Variants in PTCD2 observed in about 807,000 individuals in gnomAD.
PTCD2 encodes the protein pentatricopeptide repeat-containing protein 2, mitochondrial.
A neutral mutation model predicts 42.6 loss-of-function variants in PTCD2; 31 were observed. The observed-to-expected ratio is 0.73, with a 90% CI of 0.55 to 0.98. PTCD2 has a LOEUF of 0.98. Ranked by LOEUF, PTCD2 falls within the 50% of genes least tolerant of loss-of-function variation. PTCD2 has a pLI of 0.00. For missense variants in PTCD2, 476 were observed against 454.8 expected, an observed-to-expected ratio of 1.05 and a Z score of -0.42; for synonymous variants, 183 against 170.9, an observed-to-expected ratio of 1.07 and a Z score of -0.55.
chr5:72,368,060 A>AT lies in PTCD2; in HGVS notation c.*9637dup, dbSNP rs1753241394. The AT allele has an allele frequency of 6.6e-6, 1 of 152,100 alleles. No homozygotes were observed. The highest frequency in any genetic ancestry group is 2.1e-4 in the South Asian group (1 of 4,824). 9.4% of individuals were successfully genotyped at this position (152,100 alleles called of 1,614,324 possible). On this transcript the variant is annotated 3_prime_UTR_variant, in exon 10 of 10. Transcript: ENST00000380639. ...TTTTTCATATGGACTATTTGGGTCT[A>AT]TTTTCAAAAATCCCTTTTTCTTCTC...
Position 72,364,149 on chromosome 5 carries a change from G to C in PTCD2, c.*5722G>C, listed in dbSNP as rs2112258078. ...AATTACATTGGCTTAAATGGCATTA[G>C]CTCAAAAAAGTGTTCTCAAAAATTA... On this transcript the variant is annotated 3_prime_UTR_variant, in exon 10 of 10. Transcript: ENST00000380639. 6.6e-6 allele frequency: 1 copy of C among 152,342 alleles called. No homozygotes were observed. The highest frequency in any genetic ancestry group is 6.5e-5 in the Admixed American group (1 of 15,308). The allele number at this position is 152,342 out of a possible 1,614,324, so 9.4% of individuals were successfully genotyped here. A position where few individuals can be genotyped will look rare whatever the true frequency, so the allele number is the denominator to read the frequency against.
At chr5:72,320,585 T>G in intron 1 of PTCD2, 76 bp downstream of exon 1, 3 of 1,590,652 alleles carry the variant, frequency 1.9e-6, no homozygotes, top group African/African-American at 1.3e-5. Flanking sequence ...CTAGCATCTC[T>G]GTGGAGCAGC....
intron 6 of PTCD2, among the ~76,000 whole-genome samples, chr5:72,336,584 C>T (rs1751752866): frequency 6.6e-6 from 1 of 151,964 alleles, no homozygotes; most frequent in Admixed American, 6.6e-5. Flanking sequence ...GTGGCATGCA[C>T]CTTGTAATCC....
At chr5:72,328,298 T>C (rs140555313) in intron 3 of PTCD2, among the ~76,000 whole-genome samples, 1 of 152,358 alleles carries the variant, frequency 6.6e-6, no homozygotes, top group Non-Finnish European at 1.5e-5. Flanking sequence ...AAGTCCTCTC[T>C]TGAGTTTGTG....
intron 2 of PTCD2, among the ~76,000 whole-genome samples, chr5:72,325,971 T>A (rs1194577207): frequency 6.6e-6 from 1 of 152,252 alleles, no homozygotes; most frequent in Non-Finnish European, 1.5e-5. Flanking sequence ...GAAATGATTC[T>A]GTCACTGAAA....
chr5:72,348,323 T>C (rs1027113739), intron 8 of PTCD2, among the ~76,000 whole-genome samples: 2 of 152,246 alleles, frequency 1.3e-5, no homozygotes, highest in Non-Finnish European at 2.9e-5. Flanking sequence ...AGTGTCTGTT[T>C]AGTCAGTATT....
Position 72,320,434 on chromosome 5 carries a change from C to T in PTCD2, c.52C>T (p.Leu18=), listed in dbSNP as rs1254014512. 6.2e-7 allele frequency: 1 copy of T among 1,614,180 alleles called. No individual in the cohort carries two copies. The highest frequency in any genetic ancestry group is 8.5e-7 in the Non-Finnish European group (1 of 1,180,036). The part of the protein sequence containing the change: ...AAFRPSNRVL[L]QALQILVYPG... The stretch of plus-strand genomic sequence containing the variant: ...ATTTCGGCCCTCGAATCGAGTTCTC[C>T]TGCAGGCGCTGCAGATTTTGGTGTA... The change falls in exon 1 of 10, where the codon CTG becomes TTG. Residue 18 remains leucine, a synonymous_variant. Transcript: ENST00000380639.
chr5:72,321,969 T>C (rs1459673522), intron 1 of PTCD2, among the ~76,000 whole-genome samples: 4 of 152,188 alleles, frequency 2.6e-5, no homozygotes, highest in African/African-American at 9.7e-5. Context: ...ATAAAACCTG[T>C]TTTGCTGAGG....
chr5:72,333,736 TA>T (rs1429573830), intron 4 of PTCD2, among the ~76,000 whole-genome samples: 1 of 152,224 alleles, frequency 6.6e-6, no homozygotes. Flanking sequence ...CAAAATTGCC[TA>T]AAGAATAGGT....
At chr5:72,323,949 C>T (rs907118019) in intron 2 of PTCD2, among the ~76,000 whole-genome samples, 3 of 152,124 alleles carry the variant, frequency 2.0e-5, no homozygotes, top group Admixed American at 6.6e-5. Context: ...ATACTTTCTG[C>T]CTCCATTCCC....
intron 8 of PTCD2, among the ~76,000 whole-genome samples, chr5:72,346,704 A>T (rs531698491): frequency 6.6e-6 from 1 of 152,182 alleles, no homozygotes. Context: ...TCTGCTTCCT[A>T]CTGGATATGG....
At position 72,358,610 on chromosome 5, in the gene PTCD2, A is replaced by C. The variant is rs1753004560; in HGVS notation, c.*183A>C. On this transcript the variant is annotated 3_prime_UTR_variant, in exon 10 of 10. Coordinates refer to ENST00000380639, the MANE Select transcript of PTCD2 (RefSeq NM_024754.5). Reference sequence around the variant, plus strand: ...GAGAAGTTATGTTGCACCACTGTGAAGGTCTAGATGCAAGCTTGGCTCCCT... The same window carrying C: ...GAGAAGTTATGTTGCACCACTGTGACGGTCTAGATGCAAGCTTGGCTCCCT... 8 of 603,018 alleles carry C rather than the reference A, an allele frequency of 1.3e-5. No homozygotes were observed. In the South Asian group the frequency reaches 1.6e-4, roughly 12 times the overall value. 37.4% of individuals were successfully genotyped at this position (603,018 alleles called of 1,614,324 possible). A position where few individuals can be genotyped will look rare whatever the true frequency, so the allele number is the denominator to read the frequency against.
At chr5:72,345,532 G>A (rs1384638029) in intron 8 of PTCD2, among the ~76,000 whole-genome samples, 1 of 152,212 alleles carries the variant, frequency 6.6e-6, no homozygotes, top group African/African-American at 2.4e-5. Context: ...GAAGTGATAA[G>A]TGTCCATGAA....
At position 72,362,639 on chromosome 5, in the gene PTCD2, G is replaced by A. The variant is rs1012241331; in HGVS notation, c.*4212G>A. 1.3e-5 allele frequency: 2 copies of A among 152,166 alleles called. No homozygotes were observed. The highest frequency in any genetic ancestry group is 2.4e-5 in the African/African-American group (1 of 41,432). 9.4% of individuals were successfully genotyped at this position (152,166 alleles called of 1,614,324 possible). ...CTGCCTATTATTCAAGGTCTAACTT[G>A]TGTCACTTTTTCAATGAGGCATTTG... is the stretch of plus-strand genomic sequence containing the variant. On this transcript the variant is annotated 3_prime_UTR_variant, in exon 10 of 10. Transcript: ENST00000380639.
chr5:72,321,909 C>A (rs902608788), intron 1 of PTCD2, among the ~76,000 whole-genome samples: 1 of 152,220 alleles, frequency 6.6e-6, no homozygotes, highest in Non-Finnish European at 1.5e-5. Flanking sequence ...AGTCCCCACA[C>A]AGGTTTATCA....
chr5:72,327,646 T>C (rs1015670570), intron 3 of PTCD2, among the ~76,000 whole-genome samples: 10 of 152,034 alleles, frequency 6.6e-5, no homozygotes, highest in Admixed American at 4.6e-4. Context: ...CTAATTTTTG[T>C]ATTTTTAGTA....
intron 6 of PTCD2, among the ~76,000 whole-genome samples, chr5:72,337,570 C>T (rs1045892770): frequency 6.6e-6 from 1 of 152,082 alleles, no homozygotes; most frequent in African/African-American, 2.4e-5. Context: ...CCGAGGCAGG[C>T]AGATCACCTG....
At chr5:72,348,648 A>G (rs1290060493) in intron 8 of PTCD2, among the ~76,000 whole-genome samples, 4 of 152,366 alleles carry the variant, frequency 2.6e-5, no homozygotes, top group South Asian at 2.1e-4. Flanking sequence ...CTTCACATCA[A>G]AGAATTAATT....
chr5:72,335,287 A>C (rs1751672039), intron 5 of PTCD2, among the ~76,000 whole-genome samples, 191 bp downstream of exon 5: 1 of 151,940 alleles, frequency 6.6e-6, no homozygotes, highest in Admixed American at 6.6e-5. Context: ...GTCTCTACTA[A>C]AAATACAAAA....
Sources: gnomAD v4.1 joint callset for allele counts (sites outside exome capture counted in the v4.1 genomes callset) on GRCh38, gnomAD v4.1.1 for gene constraint, MANE v1.5 for transcripts, NCBI Gene and HGNC (gene_info 2026-07-23, HGNC 2026-07-21) for gene names.